The following MEF2C variants were observed in gnomAD, a reference collection of about 807,000 sequenced individuals.
The protein encoded by MEF2C is myocyte-specific enhancer factor 2C.
In MEF2C, 6 loss-of-function variants were observed where a neutral mutation model predicts 50.5. The ratio of observed to expected loss-of-function variants is 0.12; its 90% CI spans 0.07 to 0.23. The LOEUF (loss-of-function observed/expected upper bound fraction) is 0.23. MEF2C is among the 10% of genes least tolerant of loss of function. The pLI is 1.00. For missense variants in MEF2C, 276 were observed against 605.0 expected, an observed-to-expected ratio of 0.46 and a Z score of 5.70; for synonymous variants, 183 against 228.0, an observed-to-expected ratio of 0.80 and a Z score of 1.78.
chr5:88,897,649 A>G (rs184437047), intron 1 of MEF2C, among the ~76,000 whole-genome samples: 5 of 152,260 alleles, frequency 3.3e-5, no homozygotes, highest in Admixed American at 3.3e-4. Context: ...GATGACACTT[A>G]TTTTCCAGTC....
intron 6 of MEF2C, chr5:88,737,560 T>C: frequency 1.0e-6 from 1 of 985,402 alleles, no homozygotes; most frequent in Non-Finnish European, 1.2e-6. Context: ...AATTTACTCA[T>C]ACAGAACTTT....
chr5:88,831,762 A>G (rs1813156025), intron 1 of MEF2C, among the ~76,000 whole-genome samples: 1 of 152,034 alleles, frequency 6.6e-6, no homozygotes, highest in African/African-American at 2.4e-5. Context: ...TGATTCATCA[A>G]TTTTTCTATT....
chr5:88,858,368 C>T (rs907773557), intron 1 of MEF2C, among the ~76,000 whole-genome samples: 3 of 152,180 alleles, frequency 2.0e-5, no homozygotes, highest in African/African-American at 4.8e-5. Context: ...AGAAGCAAGA[C>T]TCCATAGAGA....
chr5:88,827,271 T>A (rs775865549), intron 1 of MEF2C: 4 of 152,032 alleles, frequency 2.6e-5, no homozygotes, highest in Non-Finnish European at 5.9e-5. Flanking sequence ...TCTTCCTCCC[T>A]CCTTCCCTCC....
intron 2 of MEF2C, among the ~76,000 whole-genome samples, chr5:88,809,461 A>G (rs888509971): frequency 6.6e-6 from 1 of 152,154 alleles, no homozygotes; most frequent in African/African-American, 2.4e-5. Flanking sequence ...GGCTTCCATT[A>G]CATAAAATAA....
chr5:88,899,980 C>A (rs1835478279), intron 1 of MEF2C, among the ~76,000 whole-genome samples: 1 of 152,028 alleles, frequency 6.6e-6, no homozygotes, highest in Non-Finnish European at 1.5e-5. Context: ...ATATTTTAAG[C>A]TTTACCCCAT....
chr5:88,832,710 T>C (rs1016735019), intron 1 of MEF2C, among the ~76,000 whole-genome samples: 1 of 152,190 alleles, frequency 6.6e-6, no homozygotes, highest in Non-Finnish European at 1.5e-5. Context: ...AATATTTTGA[T>C]GTCAAAGCAG....
intron 10 of MEF2C, among the ~76,000 whole-genome samples, chr5:88,724,995 A>T (rs1006288843): frequency 6.6e-6 from 1 of 152,144 alleles, no homozygotes; most frequent in Non-Finnish European, 1.5e-5. Flanking sequence ...AGGGAGGGTG[A>T]CATAGAAAAT....
chr5:88,799,828 C>T (rs997944776), intron 3 of MEF2C, among the ~76,000 whole-genome samples: 4 of 149,996 alleles, frequency 2.7e-5, no homozygotes, highest in Admixed American at 6.7e-5. Context: ...ATCTTCTCTC[C>T]ATCTCCCTAT....
intron 2 of MEF2C, among the ~76,000 whole-genome samples, chr5:88,823,317 T>C (rs1016172783): frequency 6.6e-6 from 1 of 151,940 alleles, no homozygotes; most frequent in East Asian, 1.9e-4. Context: ...ATGAAAGCCA[T>C]TTTCATACAG....
chr5:88,741,005 A>G (rs974367192), intron 6 of MEF2C: 15 of 985,340 alleles, frequency 1.5e-5, no homozygotes, highest in Non-Finnish European at 1.7e-5. Flanking sequence ...TAACATTTAC[A>G]CAACTGCTGC....
intron 2 of MEF2C, among the ~76,000 whole-genome samples, chr5:88,818,988 CTTCAT>C (rs764259593): frequency 1.1e-4 from 17 of 151,964 alleles, no homozygotes; most frequent in Non-Finnish European, 2.4e-4. Flanking sequence ...ACATTTATTG[CTTCAT>C]TTAATTGTCT....
At chr5:88,825,526 T>C (rs766110678) in intron 1 of MEF2C, 2 of 983,608 alleles carry the variant, frequency 2.0e-6, no homozygotes, top group South Asian at 4.7e-5. Context: ...TAAAGAGTTA[T>C]AGAAATAACA....
intron 1 of MEF2C, among the ~76,000 whole-genome samples, chr5:88,841,376 G>A (rs760756585): frequency 3.3e-5 from 5 of 151,904 alleles, no homozygotes; most frequent in African/African-American, 9.7e-5. Context: ...GTGTGGTGGC[G>A]CATGCCTGGA....
At position 88,806,604 on chromosome 5, in the gene MEF2C, C is replaced by T. The variant is rs542898511; in HGVS notation, c.55-1803G>A. Among the ~76,000 whole-genome samples the T allele has an allele frequency of 3.9e-4, 60 of 152,280 alleles. No individual in the cohort carries two copies. In the Middle Eastern group the frequency reaches 0.01, roughly 26 times the overall value. The stretch of plus-strand genomic sequence containing the variant: ...TGGACTAGCAGACAGAAAGCCTGAC[C>T]TCCCAGTCTCCTCATTCCTCCACAT... On this transcript the variant is annotated intron_variant, in intron 2 of 10. Transcript: ENST00000504921.
intron 6 of MEF2C, chr5:88,735,809 A>G: frequency 1.0e-6 from 1 of 985,446 alleles, no homozygotes; most frequent in Non-Finnish European, 1.2e-6. Flanking sequence ...AGATATTATG[A>G]GGAAGGCATT....
At chr5:88,886,283 T>A (rs1304240751), upstream of MEF2C, among the ~76,000 whole-genome samples, 1 of 152,116 alleles carries the variant, frequency 6.6e-6, no homozygotes, top group African/African-American at 2.4e-5. Flanking sequence ...TGCTTTGTAT[T>A]CTTTAAATAC....
Position 88,816,465 on chromosome 5 carries a change from CTTTTTTT to C in MEF2C, c.54+7263_54+7269del, listed in dbSNP as rs70996497. ...ATACATCTGAGCATTCTGCCTACTGCTTTTTTTTTTTTTTTTTTTTTTTTTAATTTGG... is the reference window on the plus strand; with the variant it reads ...ATACATCTGAGCATTCTGCCTACTGCTTTTTTTTTTTTTTTTTTAATTTGG... On this transcript the variant is annotated intron_variant, in intron 2 of 10. Coordinates refer to ENST00000504921, the MANE Select transcript of MEF2C (RefSeq NM_002397.5). Among the ~76,000 whole-genome samples, 3 of 86,140 alleles carry C rather than the reference CTTTTTTT, an allele frequency of 3.5e-5. No homozygotes were observed. The East Asian group carries it at 1.1e-3, about 33-fold the overall frequency. 56.5% of individuals were successfully genotyped at this position (86,140 alleles called of 152,430 possible). A position where few individuals can be genotyped will look rare whatever the true frequency, so the allele number is the denominator to read the frequency against.
chr5:88,884,786 A>G (rs944618802), upstream of MEF2C, among the ~76,000 whole-genome samples: 9 of 144,714 alleles, frequency 6.2e-5, no homozygotes, highest in African/African-American at 2.4e-4. Context: ...AGCATGATAA[A>G]CACTTTTCCT....
Sources: allele counts gnomAD v4.1 joint callset (sites outside exome capture counted in the v4.1 genomes callset), GRCh38; gene constraint gnomAD v4.1.1; transcripts MANE v1.5; gene names NCBI Gene and HGNC (gene_info 2026-07-23, HGNC 2026-07-21).